The following ARHGAP11A variants were observed in gnomAD, a reference collection of about 807,000 sequenced individuals.
ARHGAP11A encodes Rho GTPase activating protein 11A.
Under a neutral mutation model 60.5 loss-of-function variants are expected in ARHGAP11A, and 36 were observed. The observed-to-expected ratio is 0.59, with a 90% CI of 0.46 to 0.79. The LOEUF (loss-of-function observed/expected upper bound fraction) is 0.79, where lower values mean the gene tolerates loss of function less well. Among genes scored for constraint, ARHGAP11A ranks in the 30% least tolerant of loss-of-function variants. The probability of loss-of-function intolerance (pLI) is 0.00; values close to 1 mark genes in which losing one functional copy is unlikely to be tolerated. For missense variants in ARHGAP11A, 1,071 were observed against 1,199.2 expected (o/e 0.89, Z 1.58); for synonymous variants, 362 against 415.5 (o/e 0.87, Z 1.57).
intron 6 of ARHGAP11A, among the ~76,000 whole-genome samples, chr15:32,627,556 C>T (rs1012138344): frequency 1.6e-4 from 25 of 151,804 alleles, no homozygotes; most frequent in African/African-American, 4.1e-4. Context: ...AGTGAAACCC[C>T]GTCTCTACTA....
chr15:32,631,897 ACTC>A (rs1195846421), intron 8 of ARHGAP11A, among the ~76,000 whole-genome samples: 2 of 151,730 alleles, frequency 1.3e-5, no homozygotes, highest in African/African-American at 4.8e-5. Context: ...GCTGGTTTGA[ACTC>A]CTGGCCTCAA....
At position 32,637,309 on chromosome 15, in the gene ARHGAP11A, A is replaced by C; in HGVS notation, c.2536A>C (p.Asn846His). The C allele has an allele frequency of 1.2e-6, 2 of 1,614,226 alleles. No individual in the cohort carries two copies. Among genetic ancestry groups the C allele is most frequent in the Non-Finnish European group, 1.7e-6 (2 of 1,180,030 alleles). ...TGTTCGTCAGTCCGTCAGAAGAATT[A>C]ATTCTTTGTTGGAGTATAGCAGACA... ...TPVRQSVRRI[N>H]SLLEYSRQPT... The change falls in exon 12 of 12, where the codon AAT becomes CAT. Residue 846 changes from asparagine (N) to histidine (H), a missense_variant. Asn to His is a moderately conservative substitution (Grantham distance 68). Coordinates refer to ENST00000361627, the MANE Select transcript of ARHGAP11A (RefSeq NM_014783.6).
intron 8 of ARHGAP11A, among the ~76,000 whole-genome samples, 179 bp downstream of exon 8, chr15:32,629,941 AGTGTGTGTGTGTGTGT>A (rs376208322): frequency 3.0e-5 from 3 of 101,668 alleles, no homozygotes; most frequent in African/African-American, 4.5e-5. Flanking sequence ...GTTTCAATAT[AGTGTGTGTGTGTGTGT>A]GTGTGTGTGT....
intron 2 of ARHGAP11A, among the ~76,000 whole-genome samples, chr15:32,621,320 A>G (rs2053298559): frequency 6.7e-6 from 1 of 149,668 alleles, no homozygotes; most frequent in Non-Finnish European, 1.5e-5. Flanking sequence ...CCTCCGGAGT[A>G]GCTGGGATTA....
chr15:32,636,108 G>GTT (rs1371057897), intron 11 of ARHGAP11A, 149 bp from the exon 12 acceptor site: 2 of 1,390,934 alleles, frequency 1.4e-6, no homozygotes, highest in African/African-American at 3.0e-5. Context: ...ATATGAAAAT[G>GTT]TTTGACATTC....
chr15:32,632,535 T>C (rs947522817), intron 8 of ARHGAP11A, among the ~76,000 whole-genome samples: 1 of 152,202 alleles, frequency 6.6e-6, no homozygotes. Context: ...TATAATACCA[T>C]TAATTGGTAT....
At chr15:32,632,563 C>A (rs1311588171) in intron 8 of ARHGAP11A, among the ~76,000 whole-genome samples, 1 of 152,052 alleles carries the variant, frequency 6.6e-6, no homozygotes, top group East Asian at 1.9e-4. Context: ...TAGATACTGA[C>A]TAAATATTTT....
rs2053430021 is a variant in ARHGAP11A, at chr15:32,625,217, C to T, written c.689C>T (p.Thr230Ile). ...KLRLQAAVVQ[T>I]LIDYASDIGR... ...CGATTACAGGCTGCAGTAGTACAGA[C>T]TCTTATCGATTATGCATCAGATATT... The change falls in exon 5 of 12, where the codon ACT becomes ATT. Residue 230 changes from threonine to isoleucine, a missense_variant. Thr to Ile is a moderately conservative substitution (Grantham distance 89). Coordinates refer to ENST00000361627, the MANE Select transcript of ARHGAP11A (RefSeq NM_014783.6). 6.2e-7 allele frequency: 1 copy of T among 1,612,118 alleles called. No individual in the cohort carries two copies. Among genetic ancestry groups the T allele is most frequent in the Non-Finnish European group, 8.5e-7 (1 of 1,179,268 alleles).
chr15:32,623,581 C>T lies in ARHGAP11A; in HGVS notation c.290C>T (p.Ala97Val), dbSNP rs2053388260. The T allele has an allele frequency of 1.9e-6, 3 of 1,612,944 alleles. No homozygotes were observed. Among genetic ancestry groups the T allele is most frequent in the Non-Finnish European group, 2.5e-6 (3 of 1,179,720 alleles). The change falls in exon 3 of 12, where the codon GCA (alanine) becomes GTA (valine). Residue 97 changes from alanine to valine, a missense_variant. Transcript: ENST00000361627. Reference protein sequence around the residue: ...RKSGSVIRLKALKNKVDHGEG... With the variant: ...RKSGSVIRLKVLKNKVDHGEG... ...TCAGGATCTGTGATTCGCCTAAAAGCACTAAAGGTGAGCATATTGTTGAAC... is the reference window on the plus strand; with the variant it reads ...TCAGGATCTGTGATTCGCCTAAAAGTACTAAAGGTGAGCATATTGTTGAAC...
chr15:32,625,639 T>C lies in ARHGAP11A; in HGVS notation c.862+6T>C. On this transcript the variant is annotated splice_donor_region_variant and intron_variant, in intron 6 of 11. Coordinates refer to ENST00000361627, the MANE Select transcript of ARHGAP11A (RefSeq NM_014783.6). The stretch of plus-strand genomic sequence containing the variant: ...GAGAAGACAAAGTGTAGGAGGTAAG[T>C]GGCGGTCCCATTTTATGGAGGTACA... 1.2e-6 allele frequency: 2 copies of C among 1,613,836 alleles called. No homozygotes were observed. Among genetic ancestry groups the C allele is most frequent in the Non-Finnish European group, 1.7e-6 (2 of 1,179,754 alleles).
intron 1 of ARHGAP11A, among the ~76,000 whole-genome samples, chr15:32,618,633 A>C (rs577607188): frequency 8.1e-4 from 124 of 152,158 alleles, no homozygotes; most frequent in Non-Finnish European, 1.5e-3. Flanking sequence ...AGCAAGAGTT[A>C]AGATGTAAAG....
Position 32,638,014 on chromosome 15 carries a change from G to T in ARHGAP11A, c.*169G>T. On this transcript the variant is annotated 3_prime_UTR_variant, in exon 12 of 12. Coordinates refer to ENST00000361627, the MANE Select transcript of ARHGAP11A (RefSeq NM_014783.6). ...GTACAAGCAACTTAGATTTTTATTT[G>T]TACAAATTACTTCTTTGTTTTTCTT... The T allele has an allele frequency of 1.7e-6, 1 of 605,870 alleles. No homozygotes were observed. The highest frequency in any genetic ancestry group is 2.7e-6 in the Non-Finnish European group (1 of 368,294). 37.5% of individuals were successfully genotyped at this position (605,870 alleles called of 1,614,324 possible). A position where few individuals can be genotyped will look rare whatever the true frequency, so the allele number is the denominator to read the frequency against.
rs766397615 is a variant in ARHGAP11A at position 32,623,543 on chromosome 15, G to A, written c.252G>A (p.Gly84=). The change falls in exon 3 of 12, where the codon GGG becomes GGA. Residue 84 remains glycine (G), a synonymous_variant. Transcript: ENST00000361627. Reference sequence around the variant, plus strand: ...TAGAAGACCATATTCATACCGAAGGGCTTTTTCGGAAATCAGGATCTGTGA... The same window carrying A: ...TAGAAGACCATATTCATACCGAAGGACTTTTTCGGAAATCAGGATCTGTGA... ...TSLEDHIHTE[G]LFRKSGSVIR... is the part of the protein sequence containing the mutation. The A allele has an allele frequency of 6.8e-6, 11 of 1,614,096 alleles. No homozygotes were observed. In the African/African-American group the frequency reaches 1.1e-4, roughly 16 times the overall value.
At chr15:32,633,724 A>G (rs993088868) in intron 9 of ARHGAP11A, among the ~76,000 whole-genome samples, 1 of 152,254 alleles carries the variant, frequency 6.6e-6, no homozygotes, top group Non-Finnish European at 1.5e-5. Context: ...TAACTGACTG[A>G]CTAACTTTTA....
In ARHGAP11A at chr15:32,637,513, G is replaced by T. The variant is rs1170729949; in HGVS notation, c.2740G>T (p.Gly914Cys). Residue 914 changes from glycine to cysteine, a missense_variant, in exon 12 of 12, where the codon GGT becomes TGT. This residue lies in a region of ARHGAP11A where 776 missense variants were observed against 760.2 expected (regional missense o/e 1.02). Coordinates refer to ENST00000361627, the MANE Select transcript of ARHGAP11A (RefSeq NM_014783.6). ...CATGTCATGTGAAGAGTCAAATATT[G>T]GTGCAATTTCAAAGTCAAGCATGGA... ...KSMSCEESNI[G>C]AISKSSMELP... 6.2e-7 allele frequency: 1 copy of T among 1,613,816 alleles called. No individual in the cohort carries two copies. Among genetic ancestry groups the T allele is most frequent in the Non-Finnish European group, 8.5e-7 (1 of 1,179,976 alleles).
chr15:32,621,397 C>G (rs577320758), intron 2 of ARHGAP11A, among the ~76,000 whole-genome samples: 1 of 151,942 alleles, frequency 6.6e-6, no homozygotes, highest in Non-Finnish European at 1.5e-5. Flanking sequence ...ACCATGTTGG[C>G]CAGGCTGGTC....
chr15:32,637,591 G>A lies in ARHGAP11A; in HGVS notation c.2818G>A (p.Ala940Thr). Residue 940 changes from alanine (A) to threonine (T), a missense_variant, in exon 12 of 12, where the codon GCT becomes ACT. Coordinates refer to ENST00000361627, the MANE Select transcript of ARHGAP11A (RefSeq NM_014783.6). Reference sequence around the variant, plus strand: ...GAGGAAGCACCCAGATTCAGTGAATGCTTCTCTTAGGTCTACTACAGTTTA... The same window carrying A: ...GAGGAAGCACCCAGATTCAGTGAATACTTCTCTTAGGTCTACTACAGTTTA... ...KMRKHPDSVN[A>T]SLRSTTVYKQ... is the part of the protein sequence containing the mutation. The A allele has an allele frequency of 6.2e-7, 1 of 1,614,150 alleles. No homozygotes were observed. Among genetic ancestry groups the A allele is most frequent in the Non-Finnish European group, 8.5e-7 (1 of 1,180,032 alleles).
chr15:32,632,217 C>T (rs1433484534), intron 8 of ARHGAP11A, among the ~76,000 whole-genome samples: 2 of 151,962 alleles, frequency 1.3e-5, no homozygotes, highest in Non-Finnish European at 2.9e-5. Context: ...GTGTCCTGGG[C>T]GTGATTCAAA....
intron 8 of ARHGAP11A, among the ~76,000 whole-genome samples, chr15:32,630,868 GT>G (rs1049458772): frequency 1.6e-4 from 23 of 145,762 alleles, no homozygotes; most frequent in Admixed American, 3.4e-4. Context: ...TAGTTCAGTT[GT>G]TTTTTTTTTT....
Sources: gnomAD v4.1 joint callset for allele counts (sites outside exome capture counted in the v4.1 genomes callset) on GRCh38, gnomAD v4.1.1 for gene constraint, gnomAD v4.1.1 regional missense constraint, MANE v1.5 for transcripts, NCBI Gene and HGNC (gene_info 2026-07-23, HGNC 2026-07-21) for gene names.